The following PRR5L variants were observed in gnomAD, a reference collection of about 807,000 sequenced individuals.
PRR5L encodes the protein proline rich 5 like.
In PRR5L, 21 loss-of-function variants were observed where a neutral mutation model predicts 36.4. The ratio of observed to expected loss-of-function variants is 0.58; its 90% CI spans 0.41 to 0.83. PRR5L has a LOEUF of 0.83. Ranked by LOEUF, PRR5L falls within the 40% of genes least tolerant of loss-of-function variation. The probability of loss-of-function intolerance (pLI) is 0.00; values close to 1 mark genes in which losing one functional copy is unlikely to be tolerated. For synonymous variants in PRR5L, 188 were observed against 197.0 expected, an observed-to-expected ratio of 0.95 and a Z score of 0.38; for missense variants, 381 against 473.3, an observed-to-expected ratio of 0.80 and a Z score of 1.81.
intron 1 of PRR5L, among the ~76,000 whole-genome samples, chr11:36,323,857 G>A (rs1856635878): frequency 6.6e-6 from 1 of 152,156 alleles, no homozygotes; most frequent in South Asian, 2.1e-4. Flanking sequence ...CTGCACTCCA[G>A]CCTGGGCAAC....
chr11:36,409,019 C>G (rs1302267616), intron 3 of PRR5L, among the ~76,000 whole-genome samples: 1 of 152,110 alleles, frequency 6.6e-6, no homozygotes, highest in African/African-American at 2.4e-5. Flanking sequence ...GGAGATCTTA[C>G]AGCAGAATGA....
At chr11:36,341,716 T>C (rs558607130) in intron 1 of PRR5L, among the ~76,000 whole-genome samples, 4 of 152,294 alleles carry the variant, frequency 2.6e-5, no homozygotes, top group Admixed American at 2.0e-4. Flanking sequence ...CAGATAATAA[T>C]AGTGGCCAGA....
intron 1 of PRR5L, among the ~76,000 whole-genome samples, chr11:36,372,976 T>TTG (rs36076560): frequency 0.65 from 95,399 of 146,576 alleles, 32,949 homozygotes; most frequent in East Asian, 0.76. Context: ...TGCCTAATAG[T>TTG]TGTGTGTGTG....
chr11:36,432,128 G>A (rs1030978358), intron 5 of PRR5L, among the ~76,000 whole-genome samples: 2 of 151,098 alleles, frequency 1.3e-5, no homozygotes, highest in African/African-American at 4.9e-5. Flanking sequence ...GGGACGGGGT[G>A]GTTTCTTTGG....
chr11:36,410,451 G>A (rs986641481), intron 3 of PRR5L, among the ~76,000 whole-genome samples: 1 of 152,140 alleles, frequency 6.6e-6, no homozygotes, highest in Non-Finnish European at 1.5e-5. Flanking sequence ...GATTAGGTTG[G>A]CCTCCATTTG....
chr11:36,430,858 T>C (rs1023113944), intron 4 of PRR5L, among the ~76,000 whole-genome samples: 1 of 152,216 alleles, frequency 6.6e-6, no homozygotes, highest in Non-Finnish European at 1.5e-5. Flanking sequence ...TTCTTTCCAC[T>C]CTGCTCCATA....
At position 36,434,049 on chromosome 11, in the gene PRR5L, A is replaced by G. The variant is rs144441592; in HGVS notation, c.352+2139A>G. 9.6e-4 allele frequency among the ~76,000 whole-genome samples: 146 copies of G among 152,360 alleles called. 1 individual carries two copies. Among genetic ancestry groups the G allele is most frequent in the African/African-American group, 3.1e-3 (127 of 41,586 alleles). On this transcript the variant is annotated intron_variant, in intron 5 of 8. Transcript: ENST00000530639. The stretch of plus-strand genomic sequence containing the variant: ...AGGTTCAAGTGCCCTTAAAAGGGGA[A>G]GTTGAATGTCTCTCACCCAAGTAAC...
chr11:36,338,013 C>T (rs1377835486), intron 1 of PRR5L, among the ~76,000 whole-genome samples: 1 of 152,224 alleles, frequency 6.6e-6, no homozygotes, highest in African/African-American at 2.4e-5. Context: ...ATTATGTTCA[C>T]ATTCCAGAAT....
chr11:36,349,386 T>TTCTGGCA (rs1856904055), intron 1 of PRR5L, among the ~76,000 whole-genome samples: 1 of 152,198 alleles, frequency 6.6e-6, no homozygotes, highest in African/African-American at 2.4e-5. Flanking sequence ...ACTTGCCTCT[T>TTCTGGCA]TCTGGCATCT....
At position 36,344,144 on chromosome 11, in the gene PRR5L, G is replaced by A. The variant is rs1016970604; in HGVS notation, c.-126+47706G>A. On this transcript the variant is annotated intron_variant, in intron 1 of 8. Coordinates refer to ENST00000530639, the MANE Select transcript of PRR5L (RefSeq NM_001160167.2). This position sits in a 1 kb window ranked among gnomAD's most constrained non-coding sequence, Gnocchi z 4.1. ...AGGTAGGAGAATCACTTGAACCTGG[G>A]AGGCAGAGGTTGCAGTGAGCCAAGA... 1.3e-5 allele frequency among the ~76,000 whole-genome samples: 2 copies of A among 151,870 alleles called. No individual in the cohort carries two copies. Among genetic ancestry groups the A allele is most frequent in the African/African-American group, 4.8e-5 (2 of 41,332 alleles).
chr11:36,303,996 A>G (rs1856403939), intron 1 of PRR5L, among the ~76,000 whole-genome samples: 1 of 152,124 alleles, frequency 6.6e-6, no homozygotes, highest in Non-Finnish European at 1.5e-5. Flanking sequence ...TTCAACCCTA[A>G]GAGGTGGAGC....
rs577239964 is a variant in PRR5L at position 36,382,427 on chromosome 11, G to A, written c.-125-18570G>A. ...CATTCTGTTCTAAAATTCCTTGATG[G>A]CCAAGGAAGCATGGTCTAGAGCTGT... On this transcript the variant is annotated intron_variant, in intron 1 of 8. Coordinates refer to ENST00000530639, the MANE Select transcript of PRR5L (RefSeq NM_001160167.2). Among the ~76,000 whole-genome samples the A allele has an allele frequency of 1.3e-3, 204 of 152,238 alleles. 1 individual carries two copies. The highest frequency in any genetic ancestry group is 2.7e-3 in the Admixed American group (42 of 15,302).
rs3812775 is a variant in PRR5L, at chr11:36,377,838, G to C, written c.-125-23159G>C. 16,612 of 152,210 alleles carry C rather than the reference G, an allele frequency of 0.11. 1,284 individuals are homozygous for C. The highest frequency in any genetic ancestry group is 0.26 in the Admixed American group (3,945 of 15,278). 9.4% of individuals were successfully genotyped at this position (152,210 alleles called of 1,614,324 possible). ...TGCGTCTGAGCTGCACGTCTGCCCC[G>C]GAGACCCGCGTGGAAAAAGCTCTGG... On this transcript the variant is annotated intron_variant, in intron 1 of 8. Transcript: ENST00000530639. The surrounding 1 kb of genome is among the most constrained non-coding windows in gnomAD (Gnocchi z 5.1).
At chr11:36,418,375 G>A (rs1015904498) in intron 3 of PRR5L, among the ~76,000 whole-genome samples, 1 of 152,182 alleles carries the variant, frequency 6.6e-6, no homozygotes, top group African/African-American at 2.4e-5. Context: ...GGATTTGGAG[G>A]AGAGACAGGG....
chr11:36,332,815 A>G (rs1239963671), intron 1 of PRR5L, among the ~76,000 whole-genome samples: 1 of 152,154 alleles, frequency 6.6e-6, no homozygotes, highest in Non-Finnish European at 1.5e-5. Context: ...GCCTCTCACA[A>G]TGAGTGGAAG....
intron 1 of PRR5L, among the ~76,000 whole-genome samples, chr11:36,364,396 G>T (rs1183404372): frequency 6.6e-6 from 1 of 152,122 alleles, no homozygotes; most frequent in Non-Finnish European, 1.5e-5. Context: ...CAGAGATTTG[G>T]GGATCAAATT....
chr11:36,424,966 C>T lies in PRR5L; in HGVS notation c.294+5663C>T, dbSNP rs1010843362. ...CTTCCTGAGTAGTTGGGATTACAGG[C>T]GCACCCCACCATGCCTAGCTAATTT... On this transcript the variant is annotated intron_variant, in intron 4 of 8. Transcript: ENST00000530639. 3.3e-5 allele frequency among the ~76,000 whole-genome samples: 5 copies of T among 152,172 alleles called. No homozygotes were observed. The South Asian group carries it at 8.3e-4, about 25-fold the overall frequency.
chr11:36,412,422 ATTGT>A (rs1296332325), intron 3 of PRR5L, among the ~76,000 whole-genome samples: 2 of 152,146 alleles, frequency 1.3e-5, no homozygotes, highest in African/African-American at 4.8e-5. Flanking sequence ...GATGATGATG[ATTGT>A]TTGTTCTAAC....
rs11033639 is a variant in PRR5L at position 36,462,617 on chromosome 11, C to T, written c.988C>T (p.Pro330Ser). Residue 330 changes from proline to serine, a missense_variant, in exon 9 of 9, where the codon CCC becomes TCC. Pro to Ser is a moderately conservative substitution (Grantham distance 74). Transcript: ENST00000530639. ...GTGCCTGCTCCTGCCACCCAGCTTC[C>T]CCCCGCCCCACCGGCAGTGCTCCAG... is the stretch of plus-strand genomic sequence containing the variant. ...NKCLLLPPSF[P>S]PPHRQCSSEP... 0.074 allele frequency: 118,913 copies of T among 1,612,426 alleles called. 4,955 individuals are homozygous for T. The highest frequency in any genetic ancestry group is 0.082 in the Non-Finnish European group (96,539 of 1,179,894).
Sources: allele counts gnomAD v4.1 joint callset (sites outside exome capture counted in the v4.1 genomes callset), GRCh38; gene constraint gnomAD v4.1.1; non-coding constraint Gnocchi (gnomAD v3.1); transcripts MANE v1.5; gene names NCBI Gene and HGNC (gene_info 2026-07-23, HGNC 2026-07-21).